Variants in DNAI4 observed in about 807,000 individuals in gnomAD.
DNAI4 encodes WD repeat domain 78.
Under a neutral mutation model 105.8 loss-of-function variants are expected in DNAI4, and 85 were observed. That is an observed-to-expected ratio of 0.80 (90% CI 0.67 to 0.96). The LOEUF (loss-of-function observed/expected upper bound fraction) is 0.96. Among genes scored for constraint, DNAI4 ranks in the 40% least tolerant of loss-of-function variants. The probability of loss-of-function intolerance (pLI) is 0.00; values close to 1 mark genes in which losing one functional copy is unlikely to be tolerated. For missense variants in DNAI4, 1,014 were observed against 1,005.6 expected (o/e 1.01, Z -0.11); for synonymous variants, 352 against 331.5 (o/e 1.06, Z -0.67).
chr1:66,846,377 T>A (rs1646275034), intron 8 of DNAI4, among the ~76,000 whole-genome samples: 1 of 152,200 alleles, frequency 6.6e-6, no homozygotes, highest in South Asian at 2.1e-4. Context: ...AATTTTGACT[T>A]GAAGAATCAA....
chr1:66,917,799 G>A (rs138395696), intron 1 of DNAI4, among the ~76,000 whole-genome samples: 62 of 152,264 alleles, frequency 4.1e-4, no homozygotes, highest in Admixed American at 9.2e-4. Flanking sequence ...GTTTTAATTC[G>A]TAACAGGATA....
chr1:66,835,991 T>C (rs144160754), intron 10 of DNAI4, among the ~76,000 whole-genome samples: 36 of 151,662 alleles, frequency 2.4e-4, no homozygotes, highest in Admixed American at 1.9e-3. Context: ...CAGCACTCAA[T>C]GGCTTTAAGA....
intron 10 of DNAI4, among the ~76,000 whole-genome samples, chr1:66,836,215 AG>A (rs1557908398): frequency 0.043 from 5,134 of 118,838 alleles, 426 homozygotes; most frequent in East Asian, 0.13. Flanking sequence ...AAAGAGAGAG[AG>A]AGAGAGAGAG....
intron 1 of DNAI4, among the ~76,000 whole-genome samples, chr1:66,912,407 TATA>T: frequency 6.6e-6 from 1 of 151,662 alleles, no homozygotes; most frequent in Non-Finnish European, 1.5e-5. Context: ...AGGTAGAGGC[TATA>T]GTGAGCCAAG....
intron 3 of DNAI4, among the ~76,000 whole-genome samples, chr1:66,892,950 GAAGAAAGAAAGAAAGAAAGA>G (rs71058479): frequency 4.6e-4 from 42 of 91,920 alleles, no homozygotes; most frequent in Non-Finnish European, 6.7e-4. Flanking sequence ...AGAAGAAAGA[GAAGAAAGAAAGAAAGAAAGA>G]AAGAAAGAAA....
intron 2 of DNAI4, 167 bp downstream of exon 2, chr1:66,905,034 G>C: frequency 4.2e-6 from 2 of 480,628 alleles, no homozygotes; most frequent in Admixed American, 8.0e-5. Flanking sequence ...TAGGAGCCAA[G>C]TGTCAATATT....
intron 6 of DNAI4, among the ~76,000 whole-genome samples, chr1:66,864,397 CT>C (rs199907057): frequency 6.0e-5 from 9 of 150,910 alleles, no homozygotes; most frequent in East Asian, 1.9e-4. Flanking sequence ...CAAACTATGC[CT>C]TTTTTTTTAA....
At chr1:66,912,385 C>T (rs1201504186) in intron 1 of DNAI4, among the ~76,000 whole-genome samples, 1 of 151,796 alleles carries the variant, frequency 6.6e-6, no homozygotes, top group Non-Finnish European at 1.5e-5. Flanking sequence ...AGGAGAATCG[C>T]TTGAATCTGG....
At chr1:66,825,855 C>T (rs1366314092) in intron 15 of DNAI4, among the ~76,000 whole-genome samples, 1 of 152,108 alleles carries the variant, frequency 6.6e-6, no homozygotes, top group Non-Finnish European at 1.5e-5. Context: ...AAGAATAAAT[C>T]CATTGAATTT....
chr1:66,838,236 T>C (rs533246700), intron 9 of DNAI4, among the ~76,000 whole-genome samples: 1 of 152,358 alleles, frequency 6.6e-6, no homozygotes, highest in South Asian at 2.1e-4. Context: ...AATATGATTG[T>C]ATGTGGAGAT....
At chr1:66,854,862 G>T (rs932952883) in intron 7 of DNAI4, among the ~76,000 whole-genome samples, 1 of 152,074 alleles carries the variant, frequency 6.6e-6, no homozygotes, top group African/African-American at 2.4e-5. Flanking sequence ...AAATAAATGA[G>T]ATCTAAATAA....
intron 3 of DNAI4, among the ~76,000 whole-genome samples, 188 bp downstream of exon 3, chr1:66,893,041 A>AAAAG (rs1647887456): frequency 8.1e-6 from 1 of 122,746 alleles, no homozygotes; most frequent in African/African-American, 3.6e-5. Flanking sequence ...AGAGGAAAGA[A>AAAAG]AGAAAGAAAG....
At chr1:66,916,083 T>TAAAA (rs34693536) in intron 1 of DNAI4, among the ~76,000 whole-genome samples, 2 of 117,458 alleles carry the variant, frequency 1.7e-5, no homozygotes, top group Non-Finnish European at 3.4e-5. Context: ...AGACTCTGTC[T>TAAAA]AAAAAAAAAA....
Position 66,905,234 on chromosome 1 carries a change from TAC to T in DNAI4, c.310_311del (p.Val104ArgfsTer14), listed in dbSNP as rs769984833. On this transcript the variant is annotated frameshift_variant, in exon 2 of 17. Transcript: ENST00000371026. LOFTEE classifies it high-confidence loss of function. ...TVLIPPELKT[V>X]EKPNPNIKTT... ...TCTTTATATTGGGATTTGGTTTTTCTACAGTTTTCAGTTCAGGTGGAATAAGC... is the reference window on the plus strand; with the variant it reads ...TCTTTATATTGGGATTTGGTTTTTCTAGTTTTCAGTTCAGGTGGAATAAGC... The T allele has an allele frequency of 6.5e-5, 102 of 1,559,714 alleles. No homozygotes were observed. The highest frequency in any genetic ancestry group is 8.2e-5 in the Non-Finnish European group (94 of 1,144,296).
intron 6 of DNAI4, among the ~76,000 whole-genome samples, chr1:66,870,419 G>A (rs1159563181): frequency 6.8e-6 from 1 of 147,156 alleles, no homozygotes; most frequent in African/African-American, 2.6e-5. Context: ...TCCAGCCTGG[G>A]TGACAAGAGC....
chr1:66,873,852 C>CTTTTTTTTTTTTTTTTTTT (rs749140367), intron 5 of DNAI4, among the ~76,000 whole-genome samples: 1 of 110,224 alleles, frequency 9.1e-6, no homozygotes, highest in Non-Finnish European at 1.8e-5. Flanking sequence ...TCCCTCTTTC[C>CTTTTTTTTTTTTTTTTTTT]TTTTTTTTTT....
chr1:66,826,256 C>T (rs978327779), intron 15 of DNAI4, among the ~76,000 whole-genome samples: 2 of 151,940 alleles, frequency 1.3e-5, no homozygotes, highest in Non-Finnish European at 2.9e-5. Context: ...TATCCTATAT[C>T]GTCCTATAAA....
intron 2 of DNAI4, among the ~76,000 whole-genome samples, chr1:66,898,798 C>G (rs1285132120): frequency 6.6e-6 from 1 of 152,132 alleles, no homozygotes; most frequent in African/African-American, 2.4e-5. Flanking sequence ...CGCTCCCAGC[C>G]CTACGCCACC....
intron 4 of DNAI4, among the ~76,000 whole-genome samples, chr1:66,880,902 A>C (rs1647055134): frequency 6.6e-6 from 1 of 152,108 alleles, no homozygotes; most frequent in African/African-American, 2.4e-5. Context: ...GGCTGGGCCC[A>C]GGGTCCCGGT....
Sources: gnomAD v4.1 joint callset for allele counts (sites outside exome capture counted in the v4.1 genomes callset) on GRCh38, gnomAD v4.1.1 for gene constraint, MANE v1.5 for transcripts, NCBI Gene and HGNC (gene_info 2026-07-23, HGNC 2026-07-21) for gene names.